ADH4: variants seen among roughly 807,000 people sequenced by gnomAD.
The protein encoded by ADH4 is all-trans-retinol dehydrogenase [NAD(+)] ADH4.
ADH4 carries 31 observed loss-of-function variants against 35.2 expected under a neutral mutation model. The observed-to-expected ratio is 0.88, with a 90% CI of 0.66 to 1.19. The LOEUF is 1.19. ADH4 is among the 50% of genes most tolerant of loss of function. The pLI is 0.00. For synonymous variants in ADH4, 171 were observed against 160.2 expected (o/e 1.07, Z -0.51); for missense variants, 476 against 458.3 (o/e 1.04, Z -0.35).
intron 5 of ADH4, 96 bp downstream of exon 5, chr4:99,136,370 A>C: frequency 1.0e-6 from 1 of 1,002,584 alleles, no homozygotes; most frequent in Non-Finnish European, 1.5e-6. Context: ...AATAAATGAC[A>C]CAGCCACAGT....
intron 2 of ADH4, among the ~76,000 whole-genome samples, chr4:99,142,304 T>G (rs1560782164): frequency 2.0e-5 from 3 of 152,212 alleles, no homozygotes; most frequent in Non-Finnish European, 4.4e-5. Flanking sequence ...CACGTCAGGT[T>G]TTTTCTTCTG....
chr4:99,138,943 G>T (rs1729527121), intron 4 of ADH4, 118 bp downstream of exon 4: 1 of 662,204 alleles, frequency 1.5e-6, no homozygotes, highest in Non-Finnish European at 2.6e-6. Context: ...TACACACCTA[G>T]GATTAGAATT....
At chr4:99,132,712 A>G (rs1377707136) in intron 5 of ADH4, among the ~76,000 whole-genome samples, 2 of 152,204 alleles carry the variant, frequency 1.3e-5, no homozygotes, top group Non-Finnish European at 2.9e-5. Context: ...ACAGACTATT[A>G]TAGCGATAGA....
chr4:99,143,001 A>AT (rs1169800811), intron 1 of ADH4: 14 of 621,310 alleles, frequency 2.3e-5, no homozygotes, highest in Non-Finnish European at 3.9e-5. Context: ...TAGTCATTAC[A>AT]TTTTTTATTT....
intron 5 of ADH4, among the ~76,000 whole-genome samples, chr4:99,134,933 C>G (rs775723160): frequency 6.6e-6 from 1 of 151,302 alleles, no homozygotes. Context: ...ATTACAAAGC[C>G]GAGGACCAGG....
At chr4:99,131,990 C>T (rs1189733444) in intron 5 of ADH4, among the ~76,000 whole-genome samples, 1 of 152,148 alleles carries the variant, frequency 6.6e-6, no homozygotes, top group Non-Finnish European at 1.5e-5. Context: ...GAAACAAACC[C>T]AAGTAAAAAT....
chr4:99,141,454 A>T (rs1484922033), intron 3 of ADH4, 87 bp downstream of exon 3: 1 of 1,322,702 alleles, frequency 7.6e-7, no homozygotes, highest in African/African-American at 1.5e-5. Flanking sequence ...AATAGAGATC[A>T]ATTATAGCAT....
At chr4:99,124,682 C>A (rs2110487436) in intron 8 of ADH4, among the ~76,000 whole-genome samples, 1 of 152,170 alleles carries the variant, frequency 6.6e-6, no homozygotes, top group East Asian at 1.9e-4. Flanking sequence ...AATTGAGGAC[C>A]CTTACTCACC....
chr4:99,130,869 ATT>A (rs1729249354), intron 6 of ADH4, among the ~76,000 whole-genome samples: 1 of 151,256 alleles, frequency 6.6e-6, no homozygotes, highest in East Asian at 1.9e-4. Flanking sequence ...ACATGCACAT[ATT>A]GTTTATTAAT....
intron 6 of ADH4, among the ~76,000 whole-genome samples, chr4:99,127,784 A>C (rs1409341194): frequency 6.6e-6 from 1 of 151,228 alleles, no homozygotes; most frequent in Admixed American, 6.6e-5. Context: ...GTGAGCCGAG[A>C]CCACACCACT....
chr4:99,137,135 A>T (rs1159401050), intron 4 of ADH4, among the ~76,000 whole-genome samples: 1 of 139,374 alleles, frequency 7.2e-6, no homozygotes, highest in Admixed American at 7.1e-5. Flanking sequence ...TATTATTATT[A>T]TTTTTTTTTT....
intron 5 of ADH4, 36 bp downstream of exon 5, chr4:99,136,429 AC>A: frequency 6.4e-7 from 1 of 1,553,950 alleles, no homozygotes; most frequent in Middle Eastern, 1.7e-4. Flanking sequence ...CCTCCTAGTA[AC>A]TTCTGTTTTA....
chr4:99,127,475 GAC>G, intron 6 of ADH4, 131 bp from the exon 7 acceptor site: 1 of 635,490 alleles, frequency 1.6e-6, no homozygotes. Context: ...TCAAGCTAAT[GAC>G]ATCATAGTAT....
chr4:99,136,665 A>G lies in ADH4; in HGVS notation c.383T>C (p.Leu128Pro). The change falls in exon 5 of 9, where the codon CTA becomes CCA. Residue 128 changes from leucine (L) to proline (P), a missense_variant. Coordinates refer to ENST00000265512, the MANE Select transcript of ADH4 (RefSeq NM_000670.5). ...AAACCTGCTGGTTTTGTCTTCCATT[A>G]GTTGTTGATCACTAGCAGGACTTTT... ...NLKSPASDQQ[L>P]MEDKTSRFTC... 1.2e-6 allele frequency: 2 copies of G among 1,613,946 alleles called. No individual in the cohort carries two copies. Among genetic ancestry groups the G allele is most frequent in the Middle Eastern group, 1.7e-4 (1 of 6,056 alleles).
chr4:99,138,581 T>A (rs7694646), intron 4 of ADH4, among the ~76,000 whole-genome samples: 31,977 of 152,188 alleles, frequency 0.21, 4,039 homozygotes, highest in Non-Finnish European at 0.28. Context: ...TTATTCTGAA[T>A]TTGGCATTTA....
intron 3 of ADH4, among the ~76,000 whole-genome samples, chr4:99,140,575 CAA>C (rs1159671645): frequency 2.1e-5 from 3 of 140,906 alleles, no homozygotes; most frequent in African/African-American, 5.2e-5. Context: ...CTGTTTCGAA[CAA>C]AAAAAAAAGT....
At chr4:99,130,926 A>G (rs1038963322) in intron 6 of ADH4, among the ~76,000 whole-genome samples, 23 of 152,134 alleles carry the variant, frequency 1.5e-4, no homozygotes, top group Non-Finnish European at 2.6e-4. Flanking sequence ...ACATTAACAA[A>G]TGTTAATATT....
intron 5 of ADH4, among the ~76,000 whole-genome samples, chr4:99,134,664 T>C (rs1342498522): frequency 1.3e-5 from 2 of 152,006 alleles, no homozygotes; most frequent in East Asian, 3.9e-4. Context: ...AGTACCCTTC[T>C]CTGATTGTAG....
At position 99,124,289 on chromosome 4, in the gene ADH4, A is replaced by T; in HGVS notation, c.*153T>A. ...ATATTCATATATATAACAGGTACAA[A>T]GTCTATAATATTTAAAGCTCTTTTA... On this transcript the variant is annotated 3_prime_UTR_variant, in exon 9 of 9. Coordinates refer to ENST00000265512, the MANE Select transcript of ADH4 (RefSeq NM_000670.5). 1 of 600,694 alleles carries T rather than the reference A, an allele frequency of 1.7e-6. No homozygotes were observed. The highest frequency in any genetic ancestry group is 2.9e-6 in the Non-Finnish European group (1 of 341,480). 37.2% of individuals were successfully genotyped at this position (600,694 alleles called of 1,614,324 possible).
Sources: gnomAD v4.1 joint callset for allele counts (sites outside exome capture counted in the v4.1 genomes callset) on GRCh38, gnomAD v4.1.1 for gene constraint, MANE v1.5 for transcripts, NCBI Gene and HGNC (gene_info 2026-07-23, HGNC 2026-07-21) for gene names.